Variants in ST14 observed in about 807,000 individuals in gnomAD.
ST14 encodes the protein ST14 transmembrane serine protease matriptase.
A neutral mutation model predicts 96.5 loss-of-function variants in ST14; 40 were observed. The observed-to-expected ratio is 0.41, with a 90% CI of 0.32 to 0.54. ST14 has a LOEUF of 0.54. ST14 is among the 20% of genes least tolerant of loss of function. ST14 has a pLI of 0.17. For missense variants in ST14, 1,066 were observed against 1,188.9 expected, an observed-to-expected ratio of 0.90 and a Z score of 1.52; for synonymous variants, 506 against 492.1, an observed-to-expected ratio of 1.03 and a Z score of -0.37.
At chr11:130,186,788 G>A (rs897742952) in intron 1 of ST14, among the ~76,000 whole-genome samples, 7 of 152,248 alleles carry the variant, frequency 4.6e-5, no homozygotes, top group East Asian at 1.9e-4. Flanking sequence ...AAAGTCAGCC[G>A]ATGTCTAGAT....
chr11:130,167,643 G>C (rs543545359), intron 1 of ST14, among the ~76,000 whole-genome samples: 1 of 152,318 alleles, frequency 6.6e-6, no homozygotes, highest in Admixed American at 6.5e-5. Context: ...GTCTGGGAGG[G>C]AGGTGTTGGA....
chr11:130,198,683 G>A, intron 14 of ST14, 62 bp downstream of exon 14: 2 of 1,484,714 alleles, frequency 1.3e-6, no homozygotes, highest in Non-Finnish European at 1.9e-6. Flanking sequence ...GCTGCCCTGA[G>A]CACACGCACA....
intron 7 of ST14, among the ~76,000 whole-genome samples, chr11:130,192,332 C>G (rs978636626): frequency 1.3e-5 from 2 of 152,236 alleles, no homozygotes; most frequent in Admixed American, 1.3e-4. Context: ...AGAAGGAAAT[C>G]GGCAAGCAAA....
chr11:130,165,417 C>A (rs1211934546), intron 1 of ST14, among the ~76,000 whole-genome samples: 1 of 152,196 alleles, frequency 6.6e-6, no homozygotes, highest in African/African-American at 2.4e-5. Flanking sequence ...TTGGGGTTTG[C>A]TCAGAGCTCA....
chr11:130,191,557 G>A (rs965434173), intron 7 of ST14, among the ~76,000 whole-genome samples: 15 of 152,092 alleles, frequency 9.9e-5, no homozygotes, highest in Admixed American at 3.3e-4. Context: ...GGGTGTGGTG[G>A]CGGGCGCCTG....
rs1953458304 is a variant in ST14 at position 130,203,839 on chromosome 11, A to T, written c.1994+3702A>T. 2.0e-5 allele frequency among the ~76,000 whole-genome samples: 3 copies of T among 152,136 alleles called. No homozygotes were observed. The South Asian group carries it at 6.2e-4, about 31-fold the overall frequency. On this transcript the variant is annotated intron_variant, in intron 16 of 18. Coordinates refer to ENST00000278742, the MANE Select transcript of ST14 (RefSeq NM_021978.4). ...GGCTAATTTTTTGTACTTTTAGTAG[A>T]AACGGGGTTTCACCATGTTAGCCAG...
intron 1 of ST14, among the ~76,000 whole-genome samples, chr11:130,180,575 C>T (rs777264229): frequency 6.6e-6 from 1 of 152,176 alleles, no homozygotes; most frequent in Non-Finnish European, 1.5e-5. Context: ...CTTGTTGGTC[C>T]CCAGAGCCAG....
At chr11:130,176,509 CT>C (rs1016791039) in intron 1 of ST14, among the ~76,000 whole-genome samples, 2 of 152,006 alleles carry the variant, frequency 1.3e-5, no homozygotes, top group Non-Finnish European at 2.9e-5. Flanking sequence ...CTGCCTCAGC[CT>C]CCCGAGTAGC....
At position 130,175,213 on chromosome 11, in the gene ST14, A is replaced by G. The variant is rs1468865926; in HGVS notation, c.82-12901A>G. On this transcript the variant is annotated intron_variant, in intron 1 of 18. Coordinates refer to ENST00000278742, the MANE Select transcript of ST14 (RefSeq NM_021978.4). ...TAGATTTTTTCAAGTCCGTCTCCAG[A>G]TTTTGTTGGGTCTGAATATGGGTGG... Among the ~76,000 whole-genome samples the G allele has an allele frequency of 1.3e-4, 20 of 151,852 alleles. 1 individual carries two copies.
chr11:130,195,005 T>G (rs990199436), intron 9 of ST14, among the ~76,000 whole-genome samples: 1 of 152,116 alleles, frequency 6.6e-6, no homozygotes, highest in Non-Finnish European at 1.5e-5. Context: ...CTCAGCACTT[T>G]GGGAGACCAA....
In ST14 at chr11:130,190,570, G is replaced by C; in HGVS notation, c.751G>C (p.Asp251His). 6.2e-7 allele frequency: 1 copy of C among 1,612,632 alleles called. No individual in the cohort carries two copies. Among genetic ancestry groups the C allele is most frequent in the Non-Finnish European group, 8.5e-7 (1 of 1,179,846 alleles). ...HARCQWALRG[D>H]ADSVLSLTFR... The stretch of plus-strand genomic sequence containing the variant: ...CCGCTGCCAGTGGGCCCTGCGGGGG[G>C]ACGCCGACTCAGTGCTGAGCCTCAC... Residue 251 changes from aspartate (D) to histidine (H), a missense_variant, in exon 7 of 19, where the codon GAC becomes CAC. Physicochemically the swap from Asp to His is moderately conservative, Grantham distance 81. Coordinates refer to ENST00000278742, the MANE Select transcript of ST14 (RefSeq NM_021978.4).
At chr11:130,192,453 A>C (rs1953314034) in intron 7 of ST14, among the ~76,000 whole-genome samples, 1 of 152,174 alleles carries the variant, frequency 6.6e-6, no homozygotes, top group Non-Finnish European at 1.5e-5. Context: ...CAGTGGCAAG[A>C]TCTCGGCTCA....
At chr11:130,168,378 A>G (rs1468252713) in intron 1 of ST14, among the ~76,000 whole-genome samples, 2 of 152,170 alleles carry the variant, frequency 1.3e-5, no homozygotes, top group Non-Finnish European at 2.9e-5. Context: ...TTGAATGATC[A>G]GAGGAGTTGA....
At chr11:130,165,957 G>A (rs1323351519) in intron 1 of ST14, among the ~76,000 whole-genome samples, 1 of 152,240 alleles carries the variant, frequency 6.6e-6, no homozygotes, top group Non-Finnish European at 1.5e-5. Context: ...CATATCCCCA[G>A]CAAACTGCTA....
intron 16 of ST14, among the ~76,000 whole-genome samples, chr11:130,204,155 T>A (rs1473838588): frequency 1.5e-4 from 23 of 152,210 alleles, no homozygotes; most frequent in Admixed American, 1.5e-3. Context: ...TCTCCACATG[T>A]ACACTGTGAA....
intron 4 of ST14, 134 bp from the exon 5 acceptor site, chr11:130,189,605 G>A: frequency 8.7e-7 from 1 of 1,150,874 alleles, no homozygotes; most frequent in Non-Finnish European, 1.2e-6. Flanking sequence ...GACACAAGAG[G>A]AGCTGGGGAA....
intron 1 of ST14, among the ~76,000 whole-genome samples, chr11:130,164,121 G>T (rs1953023589): frequency 6.6e-6 from 1 of 152,204 alleles, no homozygotes; most frequent in African/African-American, 2.4e-5. Context: ...AAGAGAAGTT[G>T]TCTTTGGAAG....
chr11:130,207,615 C>G (rs191508746), intron 16 of ST14, among the ~76,000 whole-genome samples: 49 of 152,360 alleles, frequency 3.2e-4, no homozygotes, highest in Admixed American at 2.6e-3. Context: ...TCTCATTCCA[C>G]ATCTGTGCCT....
intron 1 of ST14, among the ~76,000 whole-genome samples, chr11:130,180,656 C>T (rs557783849): frequency 1.3e-5 from 2 of 152,288 alleles, no homozygotes; most frequent in East Asian, 1.9e-4. Flanking sequence ...ACCAGGAGAG[C>T]GTTCCTCTCA....
Sources: gnomAD v4.1 joint callset for allele counts (sites outside exome capture counted in the v4.1 genomes callset) on GRCh38, gnomAD v4.1.1 for gene constraint, MANE v1.5 for transcripts, NCBI Gene and HGNC (gene_info 2026-07-23, HGNC 2026-07-21) for gene names.